Variants in CMTM8 observed in about 807,000 individuals in gnomAD.
CMTM8 encodes CKLF like MARVEL transmembrane domain containing 8.
Under a neutral mutation model 18.6 loss-of-function variants are expected in CMTM8, and 12 were observed. The ratio of observed to expected loss-of-function variants is 0.65; its 90% CI spans 0.41 to 1.05. The LOEUF (loss-of-function observed/expected upper bound fraction) is 1.05. CMTM8 is among the 50% of genes least tolerant of loss of function. The pLI is 0.00. For synonymous variants in CMTM8, 87 were observed against 90.6 expected, an observed-to-expected ratio of 0.96 and a Z score of 0.23; for missense variants, 217 against 227.2, an observed-to-expected ratio of 0.95 and a Z score of 0.29.
intron 1 of CMTM8, among the ~76,000 whole-genome samples, chr3:32,264,060 G>T (rs1702296802): frequency 6.6e-6 from 1 of 152,176 alleles, no homozygotes; most frequent in Non-Finnish European, 1.5e-5. Context: ...CCCCAATCTA[G>T]CAAGGCAGGC....
At chr3:32,285,688 CT>C (rs1702670116) in intron 1 of CMTM8, among the ~76,000 whole-genome samples, 1 of 152,082 alleles carries the variant, frequency 6.6e-6, no homozygotes, top group Non-Finnish European at 1.5e-5. Flanking sequence ...CCTCTCTGCA[CT>C]GTTTATGAGT....
intron 1 of CMTM8, among the ~76,000 whole-genome samples, chr3:32,355,312 G>A (rs6802418): frequency 0.27 from 41,562 of 151,858 alleles, 5,836 homozygotes; most frequent in East Asian, 0.35. Flanking sequence ...CACTCCTTTA[G>A]CCTGTTCCTC....
At chr3:32,319,127 G>A (rs1420035875) in intron 1 of CMTM8, among the ~76,000 whole-genome samples, 1 of 121,898 alleles carries the variant, frequency 8.2e-6, no homozygotes, top group African/African-American at 3.3e-5. Context: ...CGCCCAGGCT[G>A]GAGTGCAATG....
chr3:32,302,945 T>G (rs1021123793), intron 1 of CMTM8, among the ~76,000 whole-genome samples: 10 of 152,176 alleles, frequency 6.6e-5, no homozygotes, highest in African/African-American at 2.2e-4. Flanking sequence ...AGACCTGGTC[T>G]CACACTTAAA....
At chr3:32,342,559 C>G (rs1696520177) in intron 1 of CMTM8, among the ~76,000 whole-genome samples, 1 of 152,154 alleles carries the variant, frequency 6.6e-6, no homozygotes, top group Non-Finnish European at 1.5e-5. Flanking sequence ...GGTGTCCACA[C>G]AGGGCAGGGA....
At chr3:32,331,082 T>A (rs1162507048) in intron 1 of CMTM8, among the ~76,000 whole-genome samples, 1 of 152,162 alleles carries the variant, frequency 6.6e-6, no homozygotes, top group Non-Finnish European at 1.5e-5. Flanking sequence ...AAGAGGTTAA[T>A]ATCCAGAATA....
chr3:32,365,507 G>A (rs1037653280), intron 2 of CMTM8, among the ~76,000 whole-genome samples: 4 of 152,176 alleles, frequency 2.6e-5, no homozygotes, highest in East Asian at 3.9e-4. Context: ...GTGCAGTGGC[G>A]TGATCTCGGC....
intron 1 of CMTM8, among the ~76,000 whole-genome samples, chr3:32,273,319 T>G (rs1478400120): frequency 6.6e-6 from 1 of 150,710 alleles, no homozygotes; most frequent in African/African-American, 2.4e-5. Flanking sequence ...CCAAGATATG[T>G]GTATGTATGT....
chr3:32,339,790 C>T (rs1696457896), intron 1 of CMTM8, among the ~76,000 whole-genome samples: 1 of 152,030 alleles, frequency 6.6e-6, no homozygotes, highest in Admixed American at 6.6e-5. Context: ...AGAGAAACCC[C>T]ATCTCTACTA....
chr3:32,310,653 G>A (rs1465402556), intron 1 of CMTM8, among the ~76,000 whole-genome samples: 1 of 152,184 alleles, frequency 6.6e-6, no homozygotes, highest in African/African-American at 2.4e-5. Flanking sequence ...TTATCCTTAT[G>A]GTCAGCTATG....
intron 1 of CMTM8, among the ~76,000 whole-genome samples, chr3:32,310,687 AG>A (rs1695802814): frequency 6.6e-6 from 1 of 152,180 alleles, no homozygotes; most frequent in African/African-American, 2.4e-5. Context: ...GAGTGGTGCC[AG>A]GTGCAACTCT....
At chr3:32,319,057 C>CATATATATATATATATATATATATATAT (rs1553605520) in intron 1 of CMTM8, among the ~76,000 whole-genome samples, 3 of 45,886 alleles carry the variant, frequency 6.5e-5, no homozygotes, top group African/African-American at 2.0e-4. Flanking sequence ...TGTGTATATA[C>CATATATATATATATATATATATATATAT]ATATATATAT....
intron 1 of CMTM8, among the ~76,000 whole-genome samples, chr3:32,333,521 A>AT (rs1430660414): frequency 2.7e-5 from 4 of 148,528 alleles, no homozygotes; most frequent in South Asian, 2.1e-4. Flanking sequence ...GCAATGTTTC[A>AT]TTTTTTTTAT....
At chr3:32,277,625 C>A (rs1222260959) in intron 1 of CMTM8, among the ~76,000 whole-genome samples, 1 of 152,094 alleles carries the variant, frequency 6.6e-6, no homozygotes, top group Middle Eastern at 3.2e-3. Context: ...GACTCTATTA[C>A]CCGAAGTTAT....
chr3:32,355,119 C>T lies in CMTM8; in HGVS notation c.148-2254C>T, dbSNP rs1696789837. Among the ~76,000 whole-genome samples the T allele has an allele frequency of 3.3e-5, 5 of 152,188 alleles. No homozygotes were observed. The South Asian group carries it at 8.3e-4, about 25-fold the overall frequency. On this transcript the variant is annotated intron_variant, in intron 1 of 3. Coordinates refer to ENST00000307526, the MANE Select transcript of CMTM8 (RefSeq NM_178868.5). ...CACCAAAACTGTACCAGGAAAGTGG[C>T]TTCTCTCGGGAAGCAGTTTAACATG...
chr3:32,351,886 ACAGTGGCTGGCCAGGTG>A (rs906894691), intron 1 of CMTM8, among the ~76,000 whole-genome samples: 58 of 152,200 alleles, frequency 3.8e-4, no homozygotes, highest in African/African-American at 1.3e-3. Context: ...CAGGCCAGGC[ACAGTGGCTGGCCAGGTG>A]CAGTGGCTCA....
intron 1 of CMTM8, among the ~76,000 whole-genome samples, chr3:32,257,276 AG>A (rs780773776): frequency 1.3e-5 from 2 of 152,160 alleles, no homozygotes; most frequent in Non-Finnish European, 2.9e-5. Flanking sequence ...AACACTGGAA[AG>A]GCATTCTTTA....
intron 1 of CMTM8, among the ~76,000 whole-genome samples, chr3:32,295,244 T>G (rs1471689978): frequency 6.6e-6 from 1 of 151,380 alleles, no homozygotes; most frequent in Non-Finnish European, 1.5e-5. Flanking sequence ...TCACCTGAGG[T>G]CAGGAGTTCG....
At chr3:32,239,220 G>A in intron 1 of CMTM8, 101 bp downstream of exon 1, 1 of 1,347,470 alleles carries the variant, frequency 7.4e-7, no homozygotes, top group Middle Eastern at 2.5e-4. Flanking sequence ...TCTTCCCGCG[G>A]GCTTTAGGGA....
Sources: gnomAD v4.1 joint callset for allele counts (sites outside exome capture counted in the v4.1 genomes callset) on GRCh38, gnomAD v4.1.1 for gene constraint, MANE v1.5 for transcripts, NCBI Gene and HGNC (gene_info 2026-07-23, HGNC 2026-07-21) for gene names.